RBBP7: variants seen among roughly 807,000 people sequenced by gnomAD.
The protein encoded by RBBP7 is RB binding protein 7, chromatin remodeling factor.
A neutral mutation model predicts 35.2 loss-of-function variants in RBBP7; 5 were observed. The ratio of observed to expected loss-of-function variants is 0.14; its 90% CI spans 0.07 to 0.30. The LOEUF is 0.30. RBBP7 is among the 10% of genes least tolerant of loss of function. The probability of loss-of-function intolerance (pLI) is 1.00; values close to 1 mark genes in which losing one functional copy is unlikely to be tolerated. For synonymous variants in RBBP7, 140 were observed against 118.7 expected (o/e 1.18, Z -1.17); for missense variants, 155 against 327.5 (o/e 0.47, Z 4.07).
intron 3 of RBBP7, among the ~76,000 whole-genome samples, chrX:16,859,664 A>T (rs1402990369): frequency 8.9e-6 from 1 of 112,385 alleles, no homozygotes; most frequent in East Asian, 2.8e-4. Flanking sequence ...AGGAGGGTTC[A>T]CATTACAATT....
At chrX:16,856,683 G>A in intron 5 of RBBP7, among the ~76,000 whole-genome samples, 1 of 111,776 alleles carries the variant, frequency 8.9e-6, no homozygotes, top group South Asian at 3.7e-4. Context: ...AGGATGTAGA[G>A]AAACTGGAAC....
intron 5 of RBBP7, among the ~76,000 whole-genome samples, chrX:16,856,529 C>CA (rs980170562): frequency 3.0e-5 from 3 of 100,783 alleles, no homozygotes; most frequent in Non-Finnish European, 6.2e-5. Context: ...GACTCCGTCT[C>CA]AAAAAACAAA....
At chrX:16,859,184 T>A (rs1930412827) in intron 3 of RBBP7, among the ~76,000 whole-genome samples, 1 of 112,650 alleles carries the variant, frequency 8.9e-6, no homozygotes, top group South Asian at 3.6e-4. Flanking sequence ...AGCAGACCAA[T>A]AGCTTTTTAG....
At chrX:16,850,659 G>A (rs1474111201) in intron 9 of RBBP7, among the ~76,000 whole-genome samples, 1 of 112,564 alleles carries the variant, frequency 8.9e-6, no homozygotes, top group Non-Finnish European at 1.9e-5. Flanking sequence ...TTACATACAA[G>A]CATTTTATTC....
rs113240162 is a variant in RBBP7, at chrX:16,869,523, G to A, written c.17-303C>T. Reference sequence around the variant, plus strand: ...TCTAAGATGACGACCTGTACGTACAGGGGCTGCGCGACCCAGTCGGGAAGA... The same window carrying A: ...TCTAAGATGACGACCTGTACGTACAAGGGCTGCGCGACCCAGTCGGGAAGA... On this transcript the variant is annotated intron_variant, in intron 1 of 11. Transcript: ENST00000380087. The A allele has an allele frequency of 3.8e-4, 441 of 1,165,291 alleles. No homozygotes were observed. In the African/African-American group the frequency reaches 6.6e-3, roughly 17 times the overall value.
intron 1 of RBBP7, 167 bp from the exon 2 acceptor site, chrX:16,869,387 C>G: frequency 2.8e-6 from 3 of 1,060,222 alleles, no homozygotes; most frequent in Non-Finnish European, 3.8e-6. Flanking sequence ...TACTAACAAT[C>G]AGGAAGCCTA....
intron 4 of RBBP7, among the ~76,000 whole-genome samples, chrX:16,858,271 G>A (rs1014582920): frequency 1.8e-5 from 2 of 111,837 alleles, no homozygotes; most frequent in African/African-American, 6.5e-5. Flanking sequence ...CACGCCAACA[G>A]ACCTCCACAA....
rs1027553929 is a variant in RBBP7, at chrX:16,867,128, G to A, written c.161+1948C>T. 2.7e-5 allele frequency among the ~76,000 whole-genome samples: 3 copies of A among 111,760 alleles called. No homozygotes were observed. The Admixed American group carries it at 2.8e-4, about 11-fold the overall frequency. On this transcript the variant is annotated intron_variant, in intron 2 of 11. Coordinates refer to ENST00000380087, the MANE Select transcript of RBBP7 (RefSeq NM_002893.4). Reference sequence around the variant, plus strand: ...GGAAGGGGTGGGAGAATCAGCATCAGTCACCACTTACCGTGTACTTATGCT... The same window carrying A: ...GGAAGGGGTGGGAGAATCAGCATCAATCACCACTTACCGTGTACTTATGCT...
At chrX:16,854,756 A>G (rs1319706387) in intron 5 of RBBP7, among the ~76,000 whole-genome samples, 1 of 108,607 alleles carries the variant, frequency 9.2e-6, no homozygotes, top group African/African-American at 3.3e-5. Flanking sequence ...GCAGAGCCCA[A>G]GCAGAGGCCA....
At chrX:16,846,606 C>G (rs780597271) in intron 10 of RBBP7, 1 of 112,008 alleles carries the variant, frequency 8.9e-6, no homozygotes, top group Non-Finnish European at 1.9e-5. Context: ...GCAGTTGTTC[C>G]CCGCAAGAGA....
chrX:16,870,293 A>T lies in RBBP7; in HGVS notation c.-240T>A, dbSNP rs1930756627. On this transcript the variant is annotated 5_prime_UTR_variant, in exon 1 of 12. Transcript: ENST00000380087. ...TCTCTCTCTCTCCAAACTTGGAACGAGACTTTTCAACCCGCGCCTCCCAGC... is the reference window on the plus strand; with the variant it reads ...TCTCTCTCTCTCCAAACTTGGAACGTGACTTTTCAACCCGCGCCTCCCAGC... The T allele has an allele frequency of 6.4e-6, 2 of 310,995 alleles. No individual in the cohort carries two copies. The highest frequency in any genetic ancestry group is 4.6e-6 in the Non-Finnish European group (1 of 218,057). 25.6% of individuals were successfully genotyped at this position (310,995 alleles called of 1,213,427 possible). A position where few individuals can be genotyped will look rare whatever the true frequency, so the allele number is the denominator to read the frequency against.
At position 16,858,798 on chromosome X, in the gene RBBP7, A is replaced by AT; in HGVS notation, c.358dup (p.Ile120AsnfsTer28). On this transcript the variant is annotated frameshift_variant, in exon 4 of 12. Coordinates refer to ENST00000380087, the MANE Select transcript of RBBP7 (RefSeq NM_002893.4). LOFTEE classifies it high-confidence loss of function. ...ACGGTTTACTTCTCCTTCGTGATTG[A>AT]TTTTAATTTCACATTCAATTTTTCC... is the stretch of plus-strand genomic sequence containing the variant. 1 of 1,211,601 alleles carries AT rather than the reference A, an allele frequency of 8.3e-7. No individual in the cohort carries two copies. The highest frequency in any genetic ancestry group is 1.1e-6 in the Non-Finnish European group (1 of 895,547).
intron 9 of RBBP7, among the ~76,000 whole-genome samples, chrX:16,849,678 G>T (rs1930170161): frequency 9.0e-6 from 1 of 111,671 alleles, no homozygotes. Flanking sequence ...GCAGAATGAG[G>T]AATTATTGTC....
At chrX:16,846,241 G>A (rs1165689453) in intron 10 of RBBP7, 2 of 173,087 alleles carry the variant, frequency 1.2e-5, no homozygotes, top group African/African-American at 3.0e-5. Flanking sequence ...GAAGACTTCA[G>A]CCTGCATCCC....
At position 16,863,048 on chromosome X, in the gene RBBP7, A is replaced by C. The variant is rs1481744968; in HGVS notation, c.214T>G (p.Ser72Ala). The change falls in exon 3 of 12, where the codon TCT (serine) becomes GCT (alanine). Residue 72 changes from serine (S) to alanine (A), a missense_variant. Ser to Ala is a moderately conservative substitution (Grantham distance 99, BLOSUM62 1). Around this residue, in one of 3 missense-constraint regions of RBBP7, gnomAD observed 59 missense variants for 90.4 expected, o/e 0.65. Transcript: ENST00000380087. Reference sequence around the variant, plus strand: ...ACCACCAGATGATTCTGCTCATCAGACGTATGAGTCCCCAGCACTAGCCAA... The same window carrying C: ...ACCACCAGATGATTCTGCTCATCAGCCGTATGAGTCCCCAGCACTAGCCAA... ...LHWLVLGTHT[S>A]DEQNHLVVAR... 8.3e-7 allele frequency: 1 copy of C among 1,210,497 alleles called. No homozygotes were observed. The highest frequency in any genetic ancestry group is 1.1e-6 in the Non-Finnish European group (1 of 894,318).
rs1015287326 is a variant in RBBP7 at position 16,869,000 on chromosome X, G to C, written c.161+76C>G. The C allele has an allele frequency of 1.4e-5, 15 of 1,075,117 alleles. No individual in the cohort carries two copies. The African/African-American group carries it at 2.5e-4, about 18-fold the overall frequency. 88.6% of individuals were successfully genotyped at this position (1,075,117 alleles called of 1,213,427 possible). ...GGCTGATTACATACTTATGTTCTAT[G>C]CATAAAACGCCAAAACTAGGAAATT... On this transcript the variant is annotated intron_variant, in intron 2 of 11. Transcript: ENST00000380087.
At chrX:16,869,382 A>C in intron 1 of RBBP7, 162 bp from the exon 2 acceptor site, 1 of 1,052,955 alleles carries the variant, frequency 9.5e-7, no homozygotes, top group Non-Finnish European at 1.3e-6. Flanking sequence ...GAAAATACTA[A>C]CAATCAGGAA....
chrX:16,853,897 T>C lies in RBBP7; in HGVS notation c.598-55A>G, dbSNP rs1462338039. On this transcript the variant is annotated intron_variant, in intron 5 of 11. Transcript: ENST00000380087. ...ACAAGGGCTATAAGAGACTGATTTT[T>C]TTTTTTTTCCCTCGAGACAGTGTCT... 9.1e-5 allele frequency: 88 copies of C among 966,189 alleles called. No homozygotes were observed. In the African/African-American group the frequency reaches 1.6e-3, roughly 18 times the overall value. The allele number at this position is 966,189 out of a possible 1,213,427, so 79.6% of individuals were successfully genotyped here. A position where few individuals can be genotyped will look rare whatever the true frequency, so the allele number is the denominator to read the frequency against.
At position 16,858,746 on chromosome X, in the gene RBBP7, G is replaced by A. The variant is rs1211202244; in HGVS notation, c.411C>T (p.His137=). The A allele has an allele frequency of 6.6e-6, 8 of 1,209,869 alleles. No homozygotes were observed. The Admixed American group carries it at 1.5e-4, about 23-fold the overall frequency. The change falls in exon 4 of 12, where the codon CAC becomes CAT. Residue 137 remains histidine, a synonymous_variant. Transcript: ENST00000380087. The stretch of plus-strand genomic sequence containing the variant: ...AAGATGGTGTTTTTGTAGCAATGAT[G>A]TGAGGATTCTGCGGCATGTAACGAG... ...NRARYMPQNP[H]IIATKTPSSD...
Sources: gnomAD v4.1 joint callset for allele counts (sites outside exome capture counted in the v4.1 genomes callset) on GRCh38, gnomAD v4.1.1 for gene constraint, gnomAD v4.1.1 regional missense constraint, MANE v1.5 for transcripts, NCBI Gene and HGNC (gene_info 2026-07-23, HGNC 2026-07-21) for gene names.